Variants in NLGN1 observed in about 807,000 individuals in gnomAD.
NLGN1 encodes the protein neuroligin 1.
A neutral mutation model predicts 65.5 loss-of-function variants in NLGN1; 12 were observed. The observed-to-expected ratio is 0.18, with a 90% CI of 0.12 to 0.30. The LOEUF is 0.30. Among genes scored for constraint, NLGN1 ranks in the 10% least tolerant of loss-of-function variants. NLGN1 has a pLI of 1.00. For missense variants in NLGN1, 750 were observed against 1,007.1 expected (o/e 0.74, Z 3.46); for synonymous variants, 350 against 359.5 (o/e 0.97, Z 0.30).
chr3:173,794,246 C>T (rs1376127844), intron 3 of NLGN1, among the ~76,000 whole-genome samples: 5 of 152,150 alleles, frequency 3.3e-5, no homozygotes, highest in Non-Finnish European at 7.4e-5. Context: ...TTCCTTGACA[C>T]TTATCACAAT....
intron 2 of NLGN1, among the ~76,000 whole-genome samples, chr3:173,543,918 G>T (rs1185831632): frequency 6.6e-6 from 1 of 152,106 alleles, no homozygotes; most frequent in East Asian, 1.9e-4. Context: ...AGGTTTGAGT[G>T]CAGTGATAGA....
chr3:173,859,920 A>G (rs1271136099), intron 4 of NLGN1, among the ~76,000 whole-genome samples: 1 of 151,900 alleles, frequency 6.6e-6, no homozygotes, highest in Non-Finnish European at 1.5e-5. Flanking sequence ...CTTTCATTTT[A>G]TTTCTAACTT....
intron 3 of NLGN1, among the ~76,000 whole-genome samples, chr3:173,632,188 T>A (rs1438873032): frequency 6.6e-6 from 1 of 152,178 alleles, no homozygotes; most frequent in Admixed American, 6.6e-5. Context: ...AAAAGGAACA[T>A]ATTCATTTTG....
At chr3:173,637,121 C>T (rs1756718535) in intron 3 of NLGN1, among the ~76,000 whole-genome samples, 1 of 152,088 alleles carries the variant, frequency 6.6e-6, no homozygotes, top group South Asian at 2.1e-4. Context: ...TGATGTGGAA[C>T]ATTCTTTATT....
chr3:173,605,531 C>T lies in NLGN1; in HGVS notation c.493+440C>T. On this transcript the variant is annotated intron_variant, in intron 3 of 6. Transcript: ENST00000457714. ...ATTTTCTAGTCTTCTATTCATTTTT[C>T]AGTAAAAAGAATATCCAAGGAATGT... 1 of 1,281,764 alleles carries T rather than the reference C, an allele frequency of 7.8e-7. No homozygotes were observed. Among genetic ancestry groups the T allele is most frequent in the Non-Finnish European group, 1.0e-6 (1 of 981,834 alleles). The allele number at this position is 1,281,764 out of a possible 1,614,324, so 79.4% of individuals were successfully genotyped here. A position where few individuals can be genotyped will look rare whatever the true frequency, so the allele number is the denominator to read the frequency against.
chr3:173,841,415 T>C (rs1332925197), intron 4 of NLGN1, among the ~76,000 whole-genome samples: 2 of 152,186 alleles, frequency 1.3e-5, no homozygotes, highest in African/African-American at 4.8e-5. Context: ...TCATAAAATA[T>C]GTGGAACAGG....
intron 2 of NLGN1, among the ~76,000 whole-genome samples, chr3:173,572,163 A>T (rs1431752592): frequency 6.6e-6 from 1 of 152,188 alleles, no homozygotes; most frequent in East Asian, 1.9e-4. Context: ...CCCTGTTCTT[A>T]ACCCAGGCTG....
At chr3:174,014,821 A>G (rs1726225695) in intron 4 of NLGN1, among the ~76,000 whole-genome samples, 1 of 152,148 alleles carries the variant, frequency 6.6e-6, no homozygotes, top group Non-Finnish European at 1.5e-5. Context: ...TGTTATGAGA[A>G]TCAAGCGAGG....
chr3:174,059,350 A>G (rs1244042209), intron 4 of NLGN1, among the ~76,000 whole-genome samples: 1 of 152,156 alleles, frequency 6.6e-6, no homozygotes, highest in Non-Finnish European at 1.5e-5. Flanking sequence ...AGGATATTAT[A>G]TTAGAATTCC....
At chr3:173,841,170 C>G (rs1480998120) in intron 4 of NLGN1, among the ~76,000 whole-genome samples, 1 of 150,798 alleles carries the variant, frequency 6.6e-6, no homozygotes, top group African/African-American at 2.4e-5. Flanking sequence ...TATCCCAAAT[C>G]AAATACTAGT....
chr3:173,926,603 G>A (rs1292355669), intron 4 of NLGN1, among the ~76,000 whole-genome samples: 1 of 151,968 alleles, frequency 6.6e-6, no homozygotes, highest in African/African-American at 2.4e-5. Context: ...CTTTATCTAG[G>A]CAAGAGCACA....
intron 4 of NLGN1, among the ~76,000 whole-genome samples, chr3:173,944,124 G>GGTGTGTGTGTGTGTGTGTGT (rs1553897255): frequency 7.2e-6 from 1 of 139,512 alleles, no homozygotes; most frequent in South Asian, 2.3e-4. Flanking sequence ...TAATATTATG[G>GGTGTGTGTGTGTGTGTGTGT]GTGTGTGTGT....
chr3:174,198,864 T>TTTG, intron 4 of NLGN1, among the ~76,000 whole-genome samples: 1 of 126,756 alleles, frequency 7.9e-6, no homozygotes, highest in African/African-American at 3.2e-5. Flanking sequence ...TTTTTTTTTT[T>TTTG]TTGAGACGGA....
At chr3:173,971,449 GC>G (rs1716209176) in intron 4 of NLGN1, among the ~76,000 whole-genome samples, 1 of 152,072 alleles carries the variant, frequency 6.6e-6, no homozygotes. Flanking sequence ...TGATGATGAT[GC>G]TGAGAGGAGA....
intron 4 of NLGN1, among the ~76,000 whole-genome samples, chr3:173,977,532 C>A (rs1717776573): frequency 6.6e-6 from 1 of 151,972 alleles, no homozygotes; most frequent in Non-Finnish European, 1.5e-5. Context: ...AAGGTAGTCA[C>A]TGAAGATTTT....
chr3:174,233,183 A>C (rs1741041713), intron 4 of NLGN1, among the ~76,000 whole-genome samples: 1 of 152,088 alleles, frequency 6.6e-6, no homozygotes, highest in African/African-American at 2.4e-5. Context: ...TATGTGCTCC[A>C]GTAAAAAAAG....
chr3:173,440,330 T>C (rs1471619355), intron 2 of NLGN1, among the ~76,000 whole-genome samples: 1 of 152,168 alleles, frequency 6.6e-6, no homozygotes, highest in East Asian at 1.9e-4. Flanking sequence ...TTTTTGCTAA[T>C]GTTGATATTT....
intron 3 of NLGN1, among the ~76,000 whole-genome samples, chr3:173,740,923 G>A (rs1774537914): frequency 6.6e-6 from 1 of 152,118 alleles, no homozygotes; most frequent in African/African-American, 2.4e-5. Context: ...CAAGGAGTCA[G>A]ACTATCTTCT....
At chr3:173,911,221 C>T (rs982044322) in intron 4 of NLGN1, among the ~76,000 whole-genome samples, 4 of 152,090 alleles carry the variant, frequency 2.6e-5, no homozygotes, top group Non-Finnish European at 5.9e-5. Flanking sequence ...AGCGCCAGTG[C>T]TTTTTATAGC....
Sources: gnomAD v4.1 joint callset for allele counts (sites outside exome capture counted in the v4.1 genomes callset) on GRCh38, gnomAD v4.1.1 for gene constraint, MANE v1.5 for transcripts, NCBI Gene and HGNC (gene_info 2026-07-23, HGNC 2026-07-21) for gene names.